The following SNCAIP variants were observed in gnomAD, a reference collection of about 807,000 sequenced individuals.
SNCAIP encodes the protein synuclein alpha interacting protein, also known as synphilin-1.
SNCAIP carries 43 observed loss-of-function variants against 86.7 expected under a neutral mutation model. The observed-to-expected ratio is 0.50, with a 90% CI of 0.39 to 0.64. SNCAIP has a LOEUF of 0.64. SNCAIP is among the 30% of genes least tolerant of loss of function. The probability of loss-of-function intolerance (pLI) is 0.00; values close to 1 mark genes in which losing one functional copy is unlikely to be tolerated. For missense variants in SNCAIP, 981 were observed against 1,103.1 expected, an observed-to-expected ratio of 0.89 and a Z score of 1.57; for synonymous variants, 417 against 427.2, an observed-to-expected ratio of 0.98 and a Z score of 0.29.
At chr5:122,396,437 T>A (rs984725655) in intron 2 of SNCAIP, among the ~76,000 whole-genome samples, 2 of 152,156 alleles carry the variant, frequency 1.3e-5, no homozygotes, top group African/African-American at 4.8e-5. Flanking sequence ...TGGATTTTTT[T>A]AAATTTTCCC....
chr5:122,332,109 A>G (rs903034646), intron 1 of SNCAIP, among the ~76,000 whole-genome samples: 23 of 152,274 alleles, frequency 1.5e-4, no homozygotes, highest in African/African-American at 5.5e-4. Flanking sequence ...AGATGCAAAG[A>G]TGCATCAATA....
At chr5:122,462,813 T>C (rs1195102758) in intron 10 of SNCAIP, among the ~76,000 whole-genome samples, 1 of 152,196 alleles carries the variant, frequency 6.6e-6, no homozygotes, top group Non-Finnish European at 1.5e-5. Context: ...ATAGCTCCTC[T>C]CTGAAGATTT....
chr5:122,376,132 G>T (rs138318925), intron 1 of SNCAIP, among the ~76,000 whole-genome samples: 1 of 152,146 alleles, frequency 6.6e-6, no homozygotes, highest in African/African-American at 2.4e-5. Context: ...AGTGACTCTC[G>T]TGCACTCTAA....
chr5:122,452,143 C>T lies in SNCAIP; in HGVS notation c.2754+542C>T, dbSNP rs923572676. The stretch of plus-strand genomic sequence containing the variant: ...ACATAGGTATTTTACAACACAGACT[C>T]CTAAGTGTTGATTGGAGCCTATAGG... On this transcript the variant is annotated intron_variant, in intron 10 of 10. Transcript: ENST00000261368. Among the ~76,000 whole-genome samples the T allele has an allele frequency of 2.0e-5, 3 of 152,202 alleles. No homozygotes were observed. The East Asian group carries it at 5.8e-4, about 29-fold the overall frequency.
At chr5:122,359,428 A>G (rs1761785309) in intron 1 of SNCAIP, among the ~76,000 whole-genome samples, 1 of 151,196 alleles carries the variant, frequency 6.6e-6, no homozygotes, top group Non-Finnish European at 1.5e-5. Flanking sequence ...CAGTGGTGCG[A>G]TACCAGCTCA....
chr5:122,440,742 T>G lies in SNCAIP; in HGVS notation c.1410T>G (p.Leu470=). 1 of 1,613,948 alleles carries G rather than the reference T, an allele frequency of 6.2e-7. No homozygotes were observed. Among genetic ancestry groups the G allele is most frequent in the Non-Finnish European group, 8.5e-7 (1 of 1,179,824 alleles). ...ACGTAGCCTCACAGCATGGCTACCT[T>G]GGATGCATACAGGTACACAGGCCCT... is the stretch of plus-strand genomic sequence containing the variant. ...AVHVASQHGY[L]GCIQTLVEYG... Residue 470 remains leucine (L), a synonymous_variant, in exon 7 of 11, where the codon CTT becomes CTG. Coordinates refer to ENST00000261368, the MANE Select transcript of SNCAIP (RefSeq NM_005460.4).
intron 3 of SNCAIP, 41 bp downstream of exon 3, chr5:122,403,906 G>A (rs749104162): frequency 1.8e-5 from 26 of 1,464,212 alleles, no homozygotes; most frequent in Non-Finnish European, 2.4e-5. Context: ...TCCTGGCTCA[G>A]TGTTAATGGC....
chr5:122,380,701 C>T (rs1031842844), intron 1 of SNCAIP, among the ~76,000 whole-genome samples: 31 of 149,960 alleles, frequency 2.1e-4, no homozygotes, highest in African/African-American at 7.5e-4. Flanking sequence ...TCCCTCTACA[C>T]ACTGCTTTGA....
chr5:122,458,719 C>A (rs1379731667), intron 10 of SNCAIP, among the ~76,000 whole-genome samples: 1 of 152,204 alleles, frequency 6.6e-6, no homozygotes, highest in Non-Finnish European at 1.5e-5. Context: ...ATTTTCAGCT[C>A]TAAGCCACAC....
intron 1 of SNCAIP, among the ~76,000 whole-genome samples, chr5:122,337,786 C>T (rs1441112125): frequency 6.6e-6 from 1 of 152,212 alleles, no homozygotes; most frequent in African/African-American, 2.4e-5. Flanking sequence ...GTGATGCGCC[C>T]ACCTCGGCCT....
intron 2 of SNCAIP, among the ~76,000 whole-genome samples, chr5:122,397,572 T>G (rs1770885645): frequency 6.6e-6 from 1 of 152,190 alleles, no homozygotes; most frequent in Non-Finnish European, 1.5e-5. Flanking sequence ...AAATTCAAAT[T>G]TATTTGAAAA....
At chr5:122,448,984 C>T (rs1783115970) in intron 8 of SNCAIP, among the ~76,000 whole-genome samples, 1 of 150,980 alleles carries the variant, frequency 6.6e-6, no homozygotes, top group African/African-American at 2.4e-5. Context: ...CCACTGCAGT[C>T]CGGCCTGGGC....
At chr5:122,376,077 A>G (rs1210763313) in intron 1 of SNCAIP, among the ~76,000 whole-genome samples, 2 of 152,158 alleles carry the variant, frequency 1.3e-5, no homozygotes, top group Non-Finnish European at 2.9e-5. Flanking sequence ...TTGAATCAGC[A>G]AGTCTGGGAT....
In SNCAIP at chr5:122,462,276, A is replaced by C. The variant is rs1376239235; in HGVS notation, c.2755-1215A>C. On this transcript the variant is annotated intron_variant, in intron 10 of 10. Coordinates refer to ENST00000261368, the MANE Select transcript of SNCAIP (RefSeq NM_005460.4). ...TTTGCTTTTTCTCCTCTGCTAAATC[A>C]ACTCTAAATGTTCATCCACCTTTTT... is the stretch of plus-strand genomic sequence containing the variant. Among the ~76,000 whole-genome samples the C allele has an allele frequency of 2.0e-5, 3 of 152,160 alleles. No homozygotes were observed. The East Asian group carries it at 5.8e-4, about 29-fold the overall frequency.
chr5:122,388,647 A>G (rs1021507464), intron 1 of SNCAIP: 1 of 152,174 alleles, frequency 6.6e-6, no homozygotes. Context: ...CACTGGGACA[A>G]CTGCAGACTC....
At chr5:122,356,575 GC>G (rs1761067022) in intron 1 of SNCAIP, among the ~76,000 whole-genome samples, 1 of 152,080 alleles carries the variant, frequency 6.6e-6, no homozygotes. Flanking sequence ...ATTTATAAGA[GC>G]TTTCCTGGTT....
chr5:122,327,665 C>T (rs1374665132), intron 1 of SNCAIP, among the ~76,000 whole-genome samples: 1 of 152,206 alleles, frequency 6.6e-6, no homozygotes, highest in Non-Finnish European at 1.5e-5. Flanking sequence ...TTCCTGAGGC[C>T]TTCCCAGTCA....
At chr5:122,422,439 T>C (rs1291570070) in intron 3 of SNCAIP, among the ~76,000 whole-genome samples, 1 of 152,232 alleles carries the variant, frequency 6.6e-6, no homozygotes, top group African/African-American at 2.4e-5. Flanking sequence ...TGCACGCTAA[T>C]GTGTGTGCAT....
At position 122,361,483 on chromosome 5, in the gene SNCAIP, G is replaced by A. The variant is rs186017387; in HGVS notation, c.-46-29606G>A. Among the ~76,000 whole-genome samples the A allele has an allele frequency of 5.3e-5, 8 of 152,266 alleles. No individual in the cohort carries two copies. The East Asian group carries it at 1.2e-3, about 22-fold the overall frequency. On this transcript the variant is annotated intron_variant, in intron 1 of 10. Coordinates refer to ENST00000261368, the MANE Select transcript of SNCAIP (RefSeq NM_005460.4). ...GTTTAAAACCTTCCACAACCAGCAA[G>A]GTTCCAAACATGTTGATTTAATGAA... is the stretch of plus-strand genomic sequence containing the variant.
Sources: gnomAD v4.1 joint callset for allele counts (sites outside exome capture counted in the v4.1 genomes callset) on GRCh38, gnomAD v4.1.1 for gene constraint, MANE v1.5 for transcripts, NCBI Gene and HGNC (gene_info 2026-07-23, HGNC 2026-07-21) for gene names.